Variants in FAM184B observed in about 807,000 individuals in gnomAD.
The protein encoded by FAM184B is family with sequence similarity 184 member B, also known as protein FAM184B.
FAM184B carries 111 observed loss-of-function variants against 135.9 expected under a neutral mutation model. The observed-to-expected ratio is 0.82, with a 90% CI of 0.70 to 0.96. FAM184B has a LOEUF of 0.96. FAM184B is among the 40% of genes least tolerant of loss of function. The probability of loss-of-function intolerance (pLI) is 0.00; values close to 1 mark genes in which losing one functional copy is unlikely to be tolerated. For missense variants in FAM184B, 1,375 were observed against 1,323.9 expected (o/e 1.04, Z -0.60); for synonymous variants, 552 against 524.8 (o/e 1.05, Z -0.71).
chr4:17,739,359 CCT>C (rs1408029821), intron 1 of FAM184B, among the ~76,000 whole-genome samples: 1 of 152,070 alleles, frequency 6.6e-6, no homozygotes, highest in African/African-American at 2.4e-5. Flanking sequence ...GCTGTTCCCG[CCT>C]CTGTCCAGAG....
intron 7 of FAM184B, among the ~76,000 whole-genome samples, chr4:17,665,903 C>CA (rs898529458): frequency 2.6e-5 from 4 of 152,028 alleles, no homozygotes; most frequent in South Asian, 2.1e-4. Flanking sequence ...CCCCCGCCCC[C>CA]CAGTTGCTGC....
In FAM184B at chr4:17,653,989, C is replaced by T. The variant is rs983796993; in HGVS notation, c.2038-1006G>A. ...TAATGCAGGAAGGGACCAGAAGCCACGGAACTCAGGCGGCCTCTAGAAGGT... is the reference window on the plus strand; with the variant it reads ...TAATGCAGGAAGGGACCAGAAGCCATGGAACTCAGGCGGCCTCTAGAAGGT... On this transcript the variant is annotated intron_variant, in intron 10 of 17. Coordinates refer to ENST00000265018, the MANE Select transcript of FAM184B (RefSeq NM_015688.2). 8.2e-5 allele frequency among the ~76,000 whole-genome samples: 6 copies of T among 73,530 alleles called. No individual in the cohort carries two copies. In the East Asian group the frequency reaches 1.8e-3, roughly 22 times the overall value. 48.2% of individuals were successfully genotyped at this position (73,530 alleles called of 152,430 possible).
intron 7 of FAM184B, among the ~76,000 whole-genome samples, chr4:17,677,788 C>T (rs1198875417): frequency 2.6e-5 from 4 of 152,080 alleles, no homozygotes; most frequent in Admixed American, 6.6e-5. Flanking sequence ...TACTAGCTAA[C>T]GAAATCCAAC....
At chr4:17,742,168 ATTTTT>A (rs869228150) in intron 1 of FAM184B, among the ~76,000 whole-genome samples, 2 of 109,310 alleles carry the variant, frequency 1.8e-5, no homozygotes, top group African/African-American at 4.8e-5. Flanking sequence ...ATATATATAT[ATTTTT>A]TTTTTTTAAA....
chr4:17,682,765 C>T (rs1716479815), intron 7 of FAM184B, among the ~76,000 whole-genome samples: 1 of 152,172 alleles, frequency 6.6e-6, no homozygotes, highest in Non-Finnish European at 1.5e-5. Flanking sequence ...TCTCGAAATG[C>T]TGGGATTATA....
intron 8 of FAM184B, 51 bp downstream of exon 8, chr4:17,664,511 T>A: frequency 1.5e-6 from 2 of 1,343,790 alleles, no homozygotes; most frequent in Non-Finnish European, 2.1e-6. Context: ...TCCTTCCACA[T>A]CTGAGTCCTC....
chr4:17,665,524 C>G lies in FAM184B; in HGVS notation c.1597-865G>C, dbSNP rs933894266. On this transcript the variant is annotated intron_variant, in intron 7 of 17. Coordinates refer to ENST00000265018, the MANE Select transcript of FAM184B (RefSeq NM_015688.2). ...CATTAACTAGTTGTATGGCCTTGAG[C>G]CAGCTTCTTCCCTTTTTTGGACCTG... Among the ~76,000 whole-genome samples the G allele has an allele frequency of 2.0e-5, 3 of 152,124 alleles. No homozygotes were observed. The East Asian group carries it at 5.8e-4, about 29-fold the overall frequency.
At chr4:17,675,942 C>G (rs13109475) in intron 7 of FAM184B, among the ~76,000 whole-genome samples, 54,426 of 152,030 alleles carry the variant, frequency 0.36, 10,256 homozygotes, top group African/African-American at 0.42. Context: ...CTAAAACTTT[C>G]TCCATATCAG....
rs34886078 is a variant in FAM184B at position 17,641,643 on chromosome 4, CTTTTTTTT to C, written c.2519+405_2519+412del. ...ACAGGCACACACCACCACGCCCGGC[CTTTTTTTT>C]TTTTTTTTTTTTTTTTTTTTGTATT... On this transcript the variant is annotated intron_variant, in intron 13 of 17. Transcript: ENST00000265018. Among the ~76,000 whole-genome samples, 120 of 24,378 alleles carry C rather than the reference CTTTTTTTT, an allele frequency of 4.9e-3. No individual in the cohort carries two copies. In the East Asian group the frequency reaches 0.075, roughly 15 times the overall value. The allele number at this position is 24,378 out of a possible 152,430, so 16.0% of individuals were successfully genotyped here.
At chr4:17,727,491 G>A (rs1482600231) in intron 1 of FAM184B, among the ~76,000 whole-genome samples, 2 of 152,316 alleles carry the variant, frequency 1.3e-5, no homozygotes, top group East Asian at 3.9e-4. Flanking sequence ...AAACAAAAGA[G>A]GTTTAATTGA....
Position 17,633,681 on chromosome 4 carries a change from C to T in FAM184B, c.3089+8G>A. On this transcript the variant is annotated splice_region_variant and intron_variant, in intron 17 of 17. Coordinates refer to ENST00000265018, the MANE Select transcript of FAM184B (RefSeq NM_015688.2). ...AATAAGGGCCCCTGTCCCCAACATC[C>T]CCCAAACCTTGTGGCAGTTTTTGCA... 1 of 1,519,332 alleles carries T rather than the reference C, an allele frequency of 6.6e-7. No homozygotes were observed. Among genetic ancestry groups the T allele is most frequent in the South Asian group, 1.2e-5 (1 of 80,166 alleles). 94.1% of individuals were successfully genotyped at this position (1,519,332 alleles called of 1,614,324 possible).
At chr4:17,677,802 A>C (rs990097676) in intron 7 of FAM184B, among the ~76,000 whole-genome samples, 2 of 152,232 alleles carry the variant, frequency 1.3e-5, no homozygotes, top group Non-Finnish European at 2.9e-5. Flanking sequence ...ATCCAACAGC[A>C]TATCAAAAAA....
chr4:17,749,469 A>G (rs1030150400), intron 1 of FAM184B, among the ~76,000 whole-genome samples: 1 of 152,086 alleles, frequency 6.6e-6, no homozygotes, highest in Non-Finnish European at 1.5e-5. Flanking sequence ...AAAAGAAAAC[A>G]CTATCAATGG....
Position 17,636,703 on chromosome 4 carries a change from G to A in FAM184B, c.2667-58C>T, listed in dbSNP as rs1023566642. 7 of 1,341,968 alleles carry A rather than the reference G, an allele frequency of 5.2e-6. No individual in the cohort carries two copies. In the Admixed American group the frequency reaches 1.1e-4, roughly 22 times the overall value. The allele number at this position is 1,341,968 out of a possible 1,614,324, so 83.1% of individuals were successfully genotyped here. On this transcript the variant is annotated intron_variant, in intron 14 of 17. Transcript: ENST00000265018. ...TTACAGCAATTACTCAACAAAGAGGGAGAACAAGTGCACACGATGGGAATG... is the reference window on the plus strand; with the variant it reads ...TTACAGCAATTACTCAACAAAGAGGAAGAACAAGTGCACACGATGGGAATG...
chr4:17,729,321 G>T lies in FAM184B; in HGVS notation c.142-19677C>A, dbSNP rs201799943. Among the ~76,000 whole-genome samples the T allele has an allele frequency of 1.2e-4, 18 of 152,334 alleles. No homozygotes were observed. The East Asian group carries it at 3.5e-3, about 29-fold the overall frequency. ...GCCTCTGTAGGCTCCACCTCTGGGGGCGGGGCACAGACAAACAAAAAGACA... is the reference window on the plus strand; with the variant it reads ...GCCTCTGTAGGCTCCACCTCTGGGGTCGGGGCACAGACAAACAAAAAGACA... On this transcript the variant is annotated intron_variant, in intron 1 of 17. Transcript: ENST00000265018.
intron 7 of FAM184B, among the ~76,000 whole-genome samples, chr4:17,674,746 C>T (rs1307125668): frequency 6.6e-6 from 1 of 152,178 alleles, no homozygotes; most frequent in Non-Finnish European, 1.5e-5. Flanking sequence ...TTTAACAATG[C>T]TCACAGAAGT....
chr4:17,698,093 C>CA (rs141553678), intron 5 of FAM184B, among the ~76,000 whole-genome samples: 2,368 of 150,722 alleles, frequency 0.016, 52 homozygotes, highest in African/African-American at 0.053. Flanking sequence ...AAAAAACAAA[C>CA]AAAAAAACAA....
At chr4:17,635,463 G>A (rs1004620795) in intron 15 of FAM184B, among the ~76,000 whole-genome samples, 1 of 152,132 alleles carries the variant, frequency 6.6e-6, no homozygotes, top group Non-Finnish European at 1.5e-5. Context: ...CCTCTGTCTT[G>A]TTTGACATTT....
chr4:17,726,115 G>A (rs544344231), intron 1 of FAM184B, among the ~76,000 whole-genome samples: 4 of 151,966 alleles, frequency 2.6e-5, no homozygotes, highest in Non-Finnish European at 5.9e-5. Context: ...CAGTAGAGAC[G>A]GGGTTTCACT....
Sources: gnomAD v4.1 joint callset for allele counts (sites outside exome capture counted in the v4.1 genomes callset) on GRCh38, gnomAD v4.1.1 for gene constraint, MANE v1.5 for transcripts, NCBI Gene and HGNC (gene_info 2026-07-23, HGNC 2026-07-21) for gene names.